Variants in PCSK5 observed in about 807,000 individuals in gnomAD.
PCSK5 encodes the protein proprotein convertase subtilisin/kexin type 5.
In PCSK5, 129 loss-of-function variants were observed where a neutral mutation model predicts 233.2. The observed-to-expected ratio is 0.55, with a 90% CI of 0.48 to 0.64. The LOEUF is 0.64. Ranked by LOEUF, PCSK5 falls within the 30% of genes least tolerant of loss-of-function variation. The pLI is 0.00. For missense variants in PCSK5, 2,076 were observed against 2,430.1 expected (o/e 0.85, Z 3.06); for synonymous variants, 825 against 879.2 (o/e 0.94, Z 1.09).
intron 24 of PCSK5, among the ~76,000 whole-genome samples, chr9:76,245,157 C>A (rs1826549651): frequency 6.6e-6 from 1 of 152,140 alleles, no homozygotes; most frequent in South Asian, 2.1e-4. Flanking sequence ...ATACCATTGA[C>A]TTGATGATTG....
At chr9:76,053,247 C>A (rs1437887551) in intron 5 of PCSK5, among the ~76,000 whole-genome samples, 1 of 152,184 alleles carries the variant, frequency 6.6e-6, no homozygotes, top group African/African-American at 2.4e-5. Flanking sequence ...GGCTCCCACC[C>A]CACATTTCCC....
intron 1 of PCSK5, among the ~76,000 whole-genome samples, chr9:75,910,548 C>T (rs1822679582): frequency 1.3e-5 from 2 of 151,852 alleles, no homozygotes; most frequent in South Asian, 4.2e-4. Context: ...ACCTGTTAAT[C>T]ACTGGTAAGC....
chr9:76,178,260 A>C (rs1234335446), intron 14 of PCSK5, among the ~76,000 whole-genome samples: 1 of 152,238 alleles, frequency 6.6e-6, no homozygotes, highest in Non-Finnish European at 1.5e-5. Context: ...TGGGGAAAAT[A>C]GAAATAAGCA....
At position 76,151,312 on chromosome 9, in the gene PCSK5, A is replaced by T. The variant is rs148220707; in HGVS notation, c.1313-5733A>T. Among the ~76,000 whole-genome samples the T allele has an allele frequency of 3.7e-4, 56 of 152,296 alleles. No individual in the cohort carries two copies. The East Asian group carries it at 0.01, about 28-fold the overall frequency. ...CACAGATCAAGCAGCCCTCCTCAAGAAGGGAATTTGGGTAACTACCTTTTA... is the reference window on the plus strand; with the variant it reads ...CACAGATCAAGCAGCCCTCCTCAAGTAGGGAATTTGGGTAACTACCTTTTA... On this transcript the variant is annotated intron_variant, in intron 10 of 37. Transcript: ENST00000674117.
intron 24 of PCSK5, among the ~76,000 whole-genome samples, chr9:76,254,322 G>GTGTT (rs1426388915): frequency 6.6e-6 from 1 of 152,150 alleles, no homozygotes; most frequent in African/African-American, 2.4e-5. Flanking sequence ...TTCACATTGT[G>GTGTT]TGTTTGTACA....
chr9:76,184,752 G>T lies in PCSK5; in HGVS notation c.2277G>T (p.Gly759=). ...EFHNCTECRD[G]LSLQGSRCSV... ...ATAACTGTACAGAATGTAGGGATGG[G>T]TTAAGGTAAGAGAGTGAAGGATTTT... The change falls in exon 17 of 38, where the codon GGG becomes GGT. Residue 759 remains glycine, a synonymous_variant. Coordinates refer to ENST00000674117, the MANE Select transcript of PCSK5 (RefSeq NM_001372043.1). The T allele has an allele frequency of 6.3e-7, 1 of 1,589,710 alleles. No homozygotes were observed. Among genetic ancestry groups the T allele is most frequent in the Non-Finnish European group, 8.6e-7 (1 of 1,159,000 alleles).
chr9:76,355,316 C>CA (rs933383307), intron 37 of PCSK5, among the ~76,000 whole-genome samples: 25 of 151,890 alleles, frequency 1.6e-4, no homozygotes, highest in Admixed American at 1.4e-3. Flanking sequence ...ACTAAAAATA[C>CA]AAAAAAATTA....
chr9:75,911,969 A>G (rs988586062), intron 1 of PCSK5, among the ~76,000 whole-genome samples: 1 of 152,190 alleles, frequency 6.6e-6, no homozygotes, highest in African/African-American at 2.4e-5. Flanking sequence ...AGTTGCATAG[A>G]ATTTGTGGTC....
At chr9:75,976,790 T>C (rs573294396) in intron 2 of PCSK5, among the ~76,000 whole-genome samples, 111 of 151,916 alleles carry the variant, frequency 7.3e-4, no homozygotes, top group Non-Finnish European at 1.3e-3. Context: ...ATATTAAAAT[T>C]CAAATGTTTA....
intron 7 of PCSK5, among the ~76,000 whole-genome samples, chr9:76,088,863 TTG>T (rs1169498302): frequency 6.6e-6 from 1 of 152,164 alleles, no homozygotes; most frequent in East Asian, 1.9e-4. Flanking sequence ...AACAAACGTT[TTG>T]TGTGAGTGCT....
At chr9:76,089,592 T>C (rs1288932960) in intron 7 of PCSK5, among the ~76,000 whole-genome samples, 5 of 152,218 alleles carry the variant, frequency 3.3e-5, no homozygotes, top group African/African-American at 7.2e-5. Context: ...AGGCACATAT[T>C]AATATATGCT....
chr9:76,358,114 A>C (rs760026109), intron 37 of PCSK5, among the ~76,000 whole-genome samples: 1 of 152,172 alleles, frequency 6.6e-6, no homozygotes, highest in Non-Finnish European at 1.5e-5. Flanking sequence ...TGGCAAACTG[A>C]CCTTCTTTCT....
At chr9:75,894,998 C>G (rs1426970139) in intron 1 of PCSK5, among the ~76,000 whole-genome samples, 1 of 152,202 alleles carries the variant, frequency 6.6e-6, no homozygotes, top group African/African-American at 2.4e-5. Flanking sequence ...TGTGCAATAG[C>G]TGTATTTATC....
chr9:76,156,851 TAGTC>T (rs1029375958), intron 10 of PCSK5, among the ~76,000 whole-genome samples, 190 bp from the exon 11 acceptor site: 4 of 152,208 alleles, frequency 2.6e-5, no homozygotes, highest in Admixed American at 2.0e-4. Flanking sequence ...TAGTGATAGA[TAGTC>T]AATGAAAACT....
intron 32 of PCSK5, among the ~76,000 whole-genome samples, chr9:76,324,217 C>T (rs924209934): frequency 2.0e-5 from 3 of 151,770 alleles, no homozygotes; most frequent in East Asian, 1.9e-4. Flanking sequence ...TGAGCCATGG[C>T]GCTCGGTCCA....
chr9:75,960,772 A>G (rs1825317845), intron 2 of PCSK5, among the ~76,000 whole-genome samples: 1 of 152,176 alleles, frequency 6.6e-6, no homozygotes, highest in South Asian at 2.1e-4. Flanking sequence ...CCAGGAGCTC[A>G]GTTCCTGAGA....
At chr9:76,098,760 G>A (rs1831638485) in intron 8 of PCSK5, among the ~76,000 whole-genome samples, 1 of 152,306 alleles carries the variant, frequency 6.6e-6, no homozygotes, top group East Asian at 1.9e-4. Context: ...AGAAGGAAAG[G>A]TGGTCTCGTC....
chr9:76,071,642 C>A (rs1241232414), intron 6 of PCSK5, 84 bp from the exon 7 acceptor site: 1 of 1,121,324 alleles, frequency 8.9e-7, no homozygotes, highest in Non-Finnish European at 1.3e-6. Flanking sequence ...ATGTATTCTT[C>A]CCCCCGAGAA....
intron 13 of PCSK5, among the ~76,000 whole-genome samples, chr9:76,172,796 C>T (rs376492670): frequency 6.6e-6 from 1 of 152,114 alleles, no homozygotes; most frequent in Non-Finnish European, 1.5e-5. Context: ...CTCCCTAATG[C>T]GTGTTACTTA....
Sources: allele counts gnomAD v4.1 joint callset (sites outside exome capture counted in the v4.1 genomes callset), GRCh38; gene constraint gnomAD v4.1.1; transcripts MANE v1.5; gene names NCBI Gene and HGNC (gene_info 2026-07-23, HGNC 2026-07-21).